Variants in FLG observed in about 807,000 individuals in gnomAD.
FLG encodes the protein filaggrin, also known as epidermal filaggrin.
A neutral mutation model predicts 3.8 loss-of-function variants in FLG; 6 were observed. The observed-to-expected ratio is 1.60, with a 90% CI of 0.87 to 3.15. FLG has a LOEUF of 3.15. FLG is among the 30% of genes most tolerant of loss of function. The pLI is 0.00. For synonymous variants in FLG, 2,551 were observed against 1,931.6 expected, an observed-to-expected ratio of 1.32 and a Z score of -8.41; for missense variants, 7,595 against 5,050.9, an observed-to-expected ratio of 1.50 and a Z score of -15.27.
Position 152,314,679 on chromosome 1 carries a change from A to G in FLG, c.207T>C (p.Ile69=). 1.2e-6 allele frequency: 2 copies of G among 1,613,994 alleles called. No homozygotes were observed. Residue 69 remains isoleucine (I), a synonymous_variant, in exon 3 of 3, where the codon ATT becomes ATC. Transcript: ENST00000368799. ...DHLDIDHNKK[I]DFTEFLLMVF... is the part of the protein sequence containing the mutation. ...CCATCAGAAGAAACTCAGTGAAGTC[A>G]ATTTTCTTGTTGTGGTCTATATCCA... is the stretch of plus-strand genomic sequence containing the variant.
Position 152,311,092 on chromosome 1 carries a change from T to A in FLG, c.3794A>T (p.His1265Leu). 6.2e-7 allele frequency: 1 copy of A among 1,613,856 alleles called. No individual in the cohort carries two copies. Among genetic ancestry groups the A allele is most frequent in the Non-Finnish European group, 8.5e-7 (1 of 1,179,960 alleles). ...EQSSGSRTSR[H>L]QGSSVSQDSD... Reference sequence around the variant, plus strand: ...GTCCTGGCTAACACTGGATCCCTGGTGCCTGCTTGTCCTGGACCCCGATGA... The same window carrying A: ...GTCCTGGCTAACACTGGATCCCTGGAGCCTGCTTGTCCTGGACCCCGATGA... The change falls in exon 3 of 3, where the codon CAC becomes CTC. Residue 1265 changes from histidine (H) to leucine (L), a missense_variant. His to Leu is a moderately conservative substitution (Grantham distance 99). Transcript: ENST00000368799.
At position 152,310,082 on chromosome 1, in the gene FLG, C is replaced by G. The variant is rs765800064; in HGVS notation, c.4804G>C (p.Gly1602Arg). 3.1e-6 allele frequency: 5 copies of G among 1,613,778 alleles called. No individual in the cohort carries two copies. In the East Asian group the frequency reaches 1.1e-4, roughly 36 times the overall value. Reference protein sequence around the residue: ...SSVSQDRDSEGHSEDSERRSE... With the variant: ...SSVSQDRDSERHSEDSERRSE... ...CGCCTCTCAGAGTCTTCTGAGTGTC[C>G]CTCACTGTCCCTGTCCTGACTAACA... The change falls in exon 3 of 3, where the codon GGA becomes CGA. Residue 1602 changes from glycine to arginine, a missense_variant. Physicochemically the swap from Gly to Arg is moderately radical, Grantham distance 125. Coordinates refer to ENST00000368799, the MANE Select transcript of FLG (RefSeq NM_002016.2).
At position 152,302,818 on chromosome 1, in the gene FLG, T is replaced by A. The variant is rs552696097; in HGVS notation, c.12068A>T (p.Asp4023Val). 5 of 1,614,116 alleles carry A rather than the reference T, an allele frequency of 3.1e-6. No homozygotes were observed. The African/African-American group carries it at 4.0e-5, about 13-fold the overall frequency. The change falls in exon 3 of 3, where the codon GAT becomes GTT. Residue 4023 changes from aspartate to valine, a missense_variant. Coordinates refer to ENST00000368799, the MANE Select transcript of FLG (RefSeq NM_002016.2). ...DICKASAFGK[D>V]HPRYYATYIN... is the part of the protein sequence containing the mutation. ...ATACGTTGCATAATACCTTGGATGA[T>A]CTTTACCAAACGCACTTGCTTTACA...
Position 152,304,985 on chromosome 1 carries a change from T to C in FLG, c.9901A>G (p.Arg3301Gly). 6.2e-7 allele frequency: 1 copy of C among 1,613,826 alleles called. No individual in the cohort carries two copies. Among genetic ancestry groups the C allele is most frequent in the Non-Finnish European group, 8.5e-7 (1 of 1,179,980 alleles). ...HEQARSSPGE[R>G]HGSRHQQSAD... ...GACTGCTGGTGGCGGGATCCGTGTCTCTCTCCTGGACTTGATCTTGCCTGT... is the reference window on the plus strand; with the variant it reads ...GACTGCTGGTGGCGGGATCCGTGTCCCTCTCCTGGACTTGATCTTGCCTGT... The change falls in exon 3 of 3, where the codon AGA becomes GGA. Residue 3301 changes from arginine to glycine, a missense_variant. Transcript: ENST00000368799.
rs752281619 is a variant in FLG at position 152,309,260 on chromosome 1, C to G, written c.5626G>C (p.Asp1876His). 9 of 1,613,810 alleles carry G rather than the reference C, an allele frequency of 5.6e-6. No homozygotes were observed. The highest frequency in any genetic ancestry group is 3.3e-5 in the South Asian group (3 of 91,058). ...RQTRNEKQSG[D>H]GSRHSGSRHH... ...CGCGACCCTGAGTGCCTGGAGCCGT[C>G]TCCTGATTGTTTCTCATTACGTGTT... Residue 1876 changes from aspartate to histidine, a missense_variant, in exon 3 of 3, where the codon GAC (aspartate) becomes CAC (histidine). Transcript: ENST00000368799.
Position 152,304,215 on chromosome 1 carries a change from C to A in FLG, c.10671G>T (p.Gly3557=). 1.9e-6 allele frequency: 3 copies of A among 1,612,098 alleles called. No individual in the cohort carries two copies. The highest frequency in any genetic ancestry group is 1.7e-6 in the Non-Finnish European group (2 of 1,179,674). The change falls in exon 3 of 3, where the codon GGG becomes GGT. Residue 3557 remains glycine, a synonymous_variant. Coordinates refer to ENST00000368799, the MANE Select transcript of FLG (RefSeq NM_002016.2). The part of the protein sequence containing the change: ...GHSEDSERWS[G]SASRNHRGSA... ...ATCCACGATGGTTTCTGGAAGCAGA[C>A]CCAGACCACCTCTCAGAGTCTTCTG...
intron 1 of FLG, among the ~76,000 whole-genome samples, chr1:152,321,511 G>T (rs372395933): frequency 6.6e-6 from 1 of 150,892 alleles, no homozygotes; most frequent in Non-Finnish European, 1.5e-5. Context: ...ACATTAGAAA[G>T]ATGACAAGAG....
chr1:152,314,287 A>T lies in FLG; in HGVS notation c.599T>A (p.Leu200Gln). 6.2e-7 allele frequency: 1 copy of T among 1,613,132 alleles called. No individual in the cohort carries two copies. The highest frequency in any genetic ancestry group is 8.5e-7 in the Non-Finnish European group (1 of 1,179,858). The change falls in exon 3 of 3, where the codon CTA becomes CAA. Residue 200 changes from leucine (L) to glutamine (Q), a missense_variant. Leu to Gln is a moderately radical substitution (Grantham distance 113). Transcript: ENST00000368799. The stretch of plus-strand genomic sequence containing the variant: ...TTCTTTCTCTTCAAGTCTTTCACTT[A>T]GCCTCTTCCTATTGTCTCCTAATCT... ...NTRLGDNRKR[L>Q]SERLEEKEDN...
rs1652132389 is a variant in FLG, at chr1:152,308,360, T to G, written c.6526A>C (p.Arg2176=). The change falls in exon 3 of 3, where the codon AGG becomes CGG. Residue 2176 remains arginine (R), a synonymous_variant. Coordinates refer to ENST00000368799, the MANE Select transcript of FLG (RefSeq NM_002016.2). ...SHHSHTTSQG[R]SDASRGQSGS... Reference sequence around the variant, plus strand: ...GACTGCCCACGGGAGGCATCAGACCTTCCCTGGGATGTGGTGTGGCTGTGA... The same window carrying G: ...GACTGCCCACGGGAGGCATCAGACCGTCCCTGGGATGTGGTGTGGCTGTGA... The G allele has an allele frequency of 6.2e-7, 1 of 1,613,644 alleles. No homozygotes were observed. The highest frequency in any genetic ancestry group is 8.5e-7 in the Non-Finnish European group (1 of 1,179,814).
At position 152,307,515 on chromosome 1, in the gene FLG, C is replaced by T. The variant is rs112771575; in HGVS notation, c.7371G>A (p.Glu2457=). The part of the protein sequence containing the change: ...RDSSRHSTSQ[E]GQDTIHGHPG... ...GGTGTCCATGAATGGTGTCCTGACC[C>T]TCTTGGGACGTTGAGTGCCTGGAGC... Residue 2457 remains glutamate, a synonymous_variant, in exon 3 of 3, where the codon GAG becomes GAA. Transcript: ENST00000368799. The T allele has an allele frequency of 3.4e-4, 556 of 1,613,076 alleles. 9 individuals are homozygous for T. In the African/African-American group the frequency reaches 5.4e-3, roughly 16 times the overall value.
chr1:152,302,365 A>T lies in FLG; in HGVS notation c.*335T>A, dbSNP rs1651664114. 1 of 301,500 alleles carries T rather than the reference A, an allele frequency of 3.3e-6. No homozygotes were observed. Among genetic ancestry groups the T allele is most frequent in the Non-Finnish European group, 6.2e-6 (1 of 162,148 alleles). The allele number at this position is 301,500 out of a possible 1,614,324, so 18.7% of individuals were successfully genotyped here. ...TTGGCTCCTTCGATATTTCTGAAAA[A>T]GATTAATTTAGAAATTTGGGGAGTG... On this transcript the variant is annotated 3_prime_UTR_variant, in exon 3 of 3. Coordinates refer to ENST00000368799, the MANE Select transcript of FLG (RefSeq NM_002016.2).
chr1:152,310,279 C>T lies in FLG; in HGVS notation c.4607G>A (p.Gly1536Glu), dbSNP rs1369159532. The T allele has an allele frequency of 2.5e-6, 4 of 1,613,826 alleles. No homozygotes were observed. The highest frequency in any genetic ancestry group is 2.2e-5 in the East Asian group (1 of 44,824). Residue 1536 changes from glycine to glutamate, a missense_variant, in exon 3 of 3, where the codon GGA becomes GAA. Gly to Glu is a moderately conservative substitution (Grantham distance 98). Coordinates refer to ENST00000368799, the MANE Select transcript of FLG (RefSeq NM_002016.2). Reference protein sequence around the residue: ...GRSDASHGQSGPRSASRQTRN... With the variant: ...GRSDASHGQSEPRSASRQTRN... ...TGTTTGCCTGCTTGCACTTCTGGGT[C>T]CTGACTGCCCATGGGAGGCATCAGA...
rs1024844275 is a variant in FLG at position 152,303,008 on chromosome 1, A to G, written c.11878T>C (p.Ser3960Pro). ...PHSSSSYHYQ[S>P]EGTERQKGQS... Reference sequence around the variant, plus strand: ...CCTTTTTGCCTTTCAGTGCCCTCAGATTGATAATGATAAGAACTAGAACTG... The same window carrying G: ...CCTTTTTGCCTTTCAGTGCCCTCAGGTTGATAATGATAAGAACTAGAACTG... The change falls in exon 3 of 3, where the codon TCT becomes CCT. Residue 3960 changes from serine (S) to proline (P), a missense_variant. Physicochemically the swap from Ser to Pro is moderately conservative, Grantham distance 74. Coordinates refer to ENST00000368799, the MANE Select transcript of FLG (RefSeq NM_002016.2). 2.5e-6 allele frequency: 4 copies of G among 1,614,058 alleles called. No homozygotes were observed. Among genetic ancestry groups the G allele is most frequent in the Admixed American group, 3.3e-5 (2 of 59,998 alleles).
In FLG at chr1:152,310,947, T is replaced by A. The variant is rs181147634; in HGVS notation, c.3939A>T (p.Gln1313His). 13 of 1,614,020 alleles carry A rather than the reference T, an allele frequency of 8.1e-6. No homozygotes were observed. Among genetic ancestry groups the A allele is most frequent in the African/African-American group, 2.7e-5 (2 of 74,978 alleles). The change falls in exon 3 of 3, where the codon CAA becomes CAT. Residue 1313 changes from glutamine to histidine, a missense_variant. By Grantham distance (24) the Gln-to-His change is conservative. Coordinates refer to ENST00000368799, the MANE Select transcript of FLG (RefSeq NM_002016.2). Reference protein sequence around the residue: ...RDGSRHPGFHQEDRASHGHSA... With the variant: ...RDGSRHPGFHHEDRASHGHSA... ...AGTGCCCGTGACTGGCTCTGTCTTC[T>A]TGATGGAACCCAGGGTGTCTGGAGC...
rs773225270 is a variant in FLG, at chr1:152,303,714, A to G, written c.11172T>C (p.His3724=). Residue 3724 remains histidine, a synonymous_variant, in exon 3 of 3, where the codon CAT becomes CAC. Transcript: ENST00000368799. ...CTCCAGTACTGGGCCCAGCCCGTCC[A>G]TGGGCAGACTCAGACTGTTCATGAG... is the stretch of plus-strand genomic sequence containing the variant. ...VSTHEQSESA[H]GRAGPSTGGR... 6 of 1,613,688 alleles carry G rather than the reference A, an allele frequency of 3.7e-6. No individual in the cohort carries two copies. In the East Asian group the frequency reaches 6.7e-5, roughly 18 times the overall value.
rs1271530455 is a variant in FLG at position 152,307,844 on chromosome 1, G to C, written c.7042C>G (p.His2348Asp). The C allele has an allele frequency of 6.2e-7, 1 of 1,613,132 alleles. No homozygotes were observed. Among genetic ancestry groups the C allele is most frequent in the African/African-American group, 1.3e-5 (1 of 74,456 alleles). The change falls in exon 3 of 3, where the codon CAC becomes GAC. Residue 2348 changes from histidine to aspartate, a missense_variant. Physicochemically the swap from His to Asp is moderately conservative, Grantham distance 81. Coordinates refer to ENST00000368799, the MANE Select transcript of FLG (RefSeq NM_002016.2). The stretch of plus-strand genomic sequence containing the variant: ...CTGACTGCAGATGAAGCTTGTCCGT[G>C]CCCAATGCCTGAGTGTCTGGAGCTG... ...ADSSRHSGIG[H>D]GQASSAVRDS... is the part of the protein sequence containing the mutation.
Position 152,308,429 on chromosome 1 carries a change from G to T in FLG, c.6457C>A (p.His2153Asn). ...GPSRGGRQGS[H>N]QEQSVDRSGH... Reference sequence around the variant, plus strand: ...GACCTATCTACCGATTGCTCTTGGTGGGACCCCTGTCTTCCTCCTCTGCTT... The same window carrying T: ...GACCTATCTACCGATTGCTCTTGGTTGGACCCCTGTCTTCCTCCTCTGCTT... The change falls in exon 3 of 3, where the codon CAC becomes AAC. Residue 2153 changes from histidine to asparagine, a missense_variant. Transcript: ENST00000368799. 2 of 1,613,876 alleles carry T rather than the reference G, an allele frequency of 1.2e-6. No individual in the cohort carries two copies. Among genetic ancestry groups the T allele is most frequent in the Non-Finnish European group, 1.7e-6 (2 of 1,179,930 alleles).
rs1224009141 is a variant in FLG, at chr1:152,305,941, T to A, written c.8945A>T (p.His2982Leu). Residue 2982 changes from histidine (H) to leucine (L), a missense_variant, in exon 3 of 3, where the codon CAC becomes CTC. By Grantham distance (99) the His-to-Leu change is moderately conservative (BLOSUM62 -3). Transcript: ENST00000368799. ...TCTGGAGCTGTCTGCTGACTGCTGG[T>A]GGTGGGATCCATGTCTTTCTCCTGC... Reference protein sequence around the residue: ...SSAGERHGSHHQQSADSSRHS... With the variant: ...SSAGERHGSHLQQSADSSRHS... The A allele has an allele frequency of 6.7e-7, 1 of 1,491,740 alleles. No homozygotes were observed. The highest frequency in any genetic ancestry group is 9.1e-7 in the Non-Finnish European group (1 of 1,102,738). 92.4% of individuals were successfully genotyped at this position (1,491,740 alleles called of 1,614,324 possible).
In FLG at chr1:152,302,607, A is replaced by T; in HGVS notation, c.*93T>A. The T allele has an allele frequency of 6.6e-7, 1 of 1,508,304 alleles. No homozygotes were observed. The highest frequency in any genetic ancestry group is 8.9e-7 in the Non-Finnish European group (1 of 1,117,410). 93.4% of individuals were successfully genotyped at this position (1,508,304 alleles called of 1,614,324 possible). ...ATTTTAAACAGATTGACAGGAAAAGATAACTTCCCTGAAAGTATTATGAAG... is the reference window on the plus strand; with the variant it reads ...ATTTTAAACAGATTGACAGGAAAAGTTAACTTCCCTGAAAGTATTATGAAG... On this transcript the variant is annotated 3_prime_UTR_variant, in exon 3 of 3. Transcript: ENST00000368799.
Sources: allele counts gnomAD v4.1 joint callset (sites outside exome capture counted in the v4.1 genomes callset), GRCh38; gene constraint gnomAD v4.1.1; transcripts MANE v1.5; gene names NCBI Gene and HGNC (gene_info 2026-07-23, HGNC 2026-07-21).